Variants in LHFPL2 observed in about 807,000 individuals in gnomAD.
The protein encoded by LHFPL2 is LHFPL tetraspan subfamily member 2 protein.
A neutral mutation model predicts 17.5 loss-of-function variants in LHFPL2; 7 were observed. The ratio of observed to expected loss-of-function variants is 0.40; its 90% CI spans 0.23 to 0.75. The LOEUF is 0.75. Among genes scored for constraint, LHFPL2 ranks in the 30% least tolerant of loss-of-function variants. The pLI is 0.37. For missense variants in LHFPL2, 241 were observed against 294.8 expected (o/e 0.82, Z 1.34); for synonymous variants, 134 against 116.2 (o/e 1.15, Z -0.99).
intron 2 of LHFPL2, among the ~76,000 whole-genome samples, chr5:78,595,082 C>T (rs962667357): frequency 1.3e-5 from 2 of 152,170 alleles, no homozygotes; most frequent in African/African-American, 2.4e-5. Flanking sequence ...TGAAAATAAT[C>T]AGCTATGCCA....
At chr5:78,579,504 C>T (rs1191756568) in intron 2 of LHFPL2, among the ~76,000 whole-genome samples, 1 of 152,152 alleles carries the variant, frequency 6.6e-6, no homozygotes, top group Non-Finnish European at 1.5e-5. Flanking sequence ...TCCCCGACCC[C>T]ACAACAGGCC....
intron 3 of LHFPL2, among the ~76,000 whole-genome samples, chr5:78,515,149 C>T (rs1755253065): frequency 6.6e-6 from 1 of 152,172 alleles, no homozygotes; most frequent in African/African-American, 2.4e-5. Context: ...CTCAAATTTC[C>T]CTACCCCTGC....
rs1214844504 is a variant in LHFPL2, at chr5:78,486,460, G to A, written c.*2437C>T. The stretch of plus-strand genomic sequence containing the variant: ...TTCTAGCATATTCCTCATACCCAGT[G>A]GTTTTTAAACAGCTGTGTGGAAGAG... On this transcript the variant is annotated 3_prime_UTR_variant, in exon 5 of 5. Transcript: ENST00000380345. 6.6e-6 allele frequency: 1 copy of A among 152,154 alleles called. No homozygotes were observed. Among genetic ancestry groups the A allele is most frequent in the African/African-American group, 2.4e-5 (1 of 41,448 alleles). The allele number at this position is 152,154 out of a possible 1,614,324, so 9.4% of individuals were successfully genotyped here.
Position 78,509,950 on chromosome 5 carries a change from G to A in LHFPL2, c.264C>T (p.Ser88=), listed in dbSNP as rs752867584. The part of the protein sequence containing the change: ...RDTLCGPYAE[S]FGEIASGFWQ... ...AGAAGCCGCTGGCGATCTCGCCGAA[G>A]CTCTCGGCGTAGGGCCCGCACAGCG... The change falls in exon 4 of 5, where the codon AGC becomes AGT. Residue 88 remains serine, a synonymous_variant. Coordinates refer to ENST00000380345, the MANE Select transcript of LHFPL2 (RefSeq NM_005779.3). 6.2e-7 allele frequency: 1 copy of A among 1,613,860 alleles called. No homozygotes were observed. The highest frequency in any genetic ancestry group is 8.5e-7 in the Non-Finnish European group (1 of 1,180,034).
intron 4 of LHFPL2, among the ~76,000 whole-genome samples, chr5:78,502,440 C>T (rs538070489): frequency 2.9e-4 from 44 of 152,314 alleles, no homozygotes; most frequent in African/African-American, 8.9e-4. Context: ...AACAGACTAA[C>T]CTAGCCAGAT....
chr5:78,526,701 C>T (rs1274564857), intron 3 of LHFPL2, among the ~76,000 whole-genome samples: 1 of 152,198 alleles, frequency 6.6e-6, no homozygotes, highest in South Asian at 2.1e-4. Flanking sequence ...CACACAAAAA[C>T]CCAGTGGAGG....
chr5:78,568,369 T>C (rs1756912510), intron 2 of LHFPL2, among the ~76,000 whole-genome samples: 1 of 152,230 alleles, frequency 6.6e-6, no homozygotes, highest in South Asian at 2.1e-4. Context: ...TGCATGCCCT[T>C]CTGTTACACT....
rs867986635 is a variant in LHFPL2, at chr5:78,585,009, T to G, written c.-244-20138A>C. Among the ~76,000 whole-genome samples the G allele has an allele frequency of 5.7e-5, 3 of 52,938 alleles. 1 individual carries two copies. The East Asian group carries it at 1.1e-3, about 19-fold the overall frequency. The allele number at this position is 52,938 out of a possible 152,430, so 34.7% of individuals were successfully genotyped here. On this transcript the variant is annotated intron_variant, in intron 2 of 4. Transcript: ENST00000380345. ...TGGTGCGCTGTGTTTTTTTTTTTTT[T>G]TTTTTTTTTTTTTTTGAGACGGAGT...
chr5:78,533,859 G>A (rs893003714), intron 3 of LHFPL2, among the ~76,000 whole-genome samples: 5 of 152,170 alleles, frequency 3.3e-5, no homozygotes, highest in South Asian at 2.1e-4. Context: ...GCCCTGCCTC[G>A]GGTTTTAAAC....
At chr5:78,559,676 A>G (rs558958842) in intron 3 of LHFPL2, among the ~76,000 whole-genome samples, 101 of 152,290 alleles carry the variant, frequency 6.6e-4, no homozygotes, top group African/African-American at 2.4e-3. Context: ...CCAGGACCCT[A>G]TATTTGGTCC....
chr5:78,565,769 C>T (rs1756843310), intron 2 of LHFPL2, among the ~76,000 whole-genome samples: 1 of 152,130 alleles, frequency 6.6e-6, no homozygotes, highest in Admixed American at 6.5e-5. Context: ...CCAAACACGC[C>T]TTTTTCCTCC....
chr5:78,571,260 C>A (rs562249930), intron 2 of LHFPL2, among the ~76,000 whole-genome samples: 5 of 152,280 alleles, frequency 3.3e-5, no homozygotes, highest in Admixed American at 3.3e-4. Context: ...CTCGATGCTG[C>A]ATTCTGCAAA....
chr5:78,597,100 A>C (rs535059247), intron 2 of LHFPL2, among the ~76,000 whole-genome samples: 8 of 152,206 alleles, frequency 5.3e-5, no homozygotes, highest in South Asian at 4.1e-4. Flanking sequence ...ACTCAGGAAA[A>C]TCACTGATGA....
At chr5:78,498,975 C>T (rs1333417748) in intron 4 of LHFPL2, among the ~76,000 whole-genome samples, 2 of 152,116 alleles carry the variant, frequency 1.3e-5, no homozygotes, top group Non-Finnish European at 2.9e-5. Flanking sequence ...GTTCCTATTC[C>T]TCAGTTTCTA....
intron 3 of LHFPL2, among the ~76,000 whole-genome samples, chr5:78,520,462 G>A (rs982249968): frequency 6.6e-6 from 1 of 152,216 alleles, no homozygotes; most frequent in African/African-American, 2.4e-5. Flanking sequence ...GTCACTTCAA[G>A]CATATGACCA....
chr5:78,645,571 C>T (rs955059339), intron 1 of LHFPL2, among the ~76,000 whole-genome samples: 1 of 151,298 alleles, frequency 6.6e-6, no homozygotes, highest in Non-Finnish European at 1.5e-5. Flanking sequence ...CACACACACA[C>T]ACACACACAC....
At chr5:78,584,483 G>T (rs1234692750) in intron 2 of LHFPL2, among the ~76,000 whole-genome samples, 7 of 152,106 alleles carry the variant, frequency 4.6e-5, no homozygotes, top group African/African-American at 1.7e-4. Flanking sequence ...CTTTCTGTTT[G>T]TGAGTTTTCC....
chr5:78,645,940 T>C (rs1167470304), intron 1 of LHFPL2, among the ~76,000 whole-genome samples: 1 of 152,248 alleles, frequency 6.6e-6, no homozygotes, highest in Non-Finnish European at 1.5e-5. Flanking sequence ...TATTTGCTTC[T>C]TGTTTGTATC....
At chr5:78,502,505 CTGTT>C (rs1223256472) in intron 4 of LHFPL2, among the ~76,000 whole-genome samples, 14 of 152,350 alleles carry the variant, frequency 9.2e-5, no homozygotes, top group African/African-American at 3.4e-4. Flanking sequence ...GGGTGAGAAG[CTGTT>C]TGTTAACTGG....
Sources: gnomAD v4.1 joint callset for allele counts (sites outside exome capture counted in the v4.1 genomes callset) on GRCh38, gnomAD v4.1.1 for gene constraint, MANE v1.5 for transcripts, NCBI Gene and HGNC (gene_info 2026-07-23, HGNC 2026-07-21) for gene names.